Variants in ANK1 observed in about 807,000 individuals in gnomAD.
ANK1 encodes ankyrin 1, also known as ankyrin-1.
ANK1 carries 51 observed loss-of-function variants against 210.4 expected under a neutral mutation model. The ratio of observed to expected loss-of-function variants is 0.24; its 90% confidence interval spans 0.19 to 0.31. The LOEUF (loss-of-function observed/expected upper bound fraction) is 0.31. ANK1 is among the 10% of genes least tolerant of loss of function. The pLI is 1.00. For missense variants in ANK1, 2,051 were observed against 2,504.4 expected (o/e 0.82, Z 3.86); for synonymous variants, 967 against 1,025.9 (o/e 0.94, Z 1.10).
chr8:41,725,837 A>G lies in ANK1; in HGVS notation c.536T>C (p.Ile179Thr). ...KGKVRLPALHIAARNDDTRTA... is the reference protein window; with the variant it reads ...KGKVRLPALHTAARNDDTRTA... ...GCGCGTGTCGTCGTTGCGGGCCGCGATGTGCAGGGCCGGGAGGCGCACCTT... is the reference window on the plus strand; with the variant it reads ...GCGCGTGTCGTCGTTGCGGGCCGCGGTGTGCAGGGCCGGGAGGCGCACCTT... The change falls in exon 6 of 43, where the codon ATC becomes ACC. Residue 179 changes from isoleucine (I) to threonine (T), a missense_variant. By Grantham distance (89) the Ile-to-Thr change is moderately conservative. Around this residue, in one of 6 missense-constraint regions of ANK1, gnomAD observed 1,413 missense variants for 1,707.4 expected, o/e 0.83. Transcript: ENST00000289734. 6.2e-7 allele frequency: 1 copy of G among 1,612,084 alleles called. No homozygotes were observed. Among genetic ancestry groups the G allele is most frequent in the Non-Finnish European group, 8.5e-7 (1 of 1,179,656 alleles).
At chr8:41,658,805 A>T (rs981484668) in intron 42 of ANK1, among the ~76,000 whole-genome samples, 1 of 152,216 alleles carries the variant, frequency 6.6e-6, no homozygotes, top group African/African-American at 2.4e-5. Context: ...AGGCAGGAAG[A>T]TCACTTGAAC....
rs116991970 is a variant in ANK1, at chr8:41,795,678, A to G, written c.27+1834T>C. Among the ~76,000 whole-genome samples, 130 of 152,248 alleles carry G rather than the reference A, an allele frequency of 8.5e-4. No homozygotes were observed. In the East Asian group the frequency reaches 0.02, roughly 23 times the overall value. ...AGAAAGACAAATACTGAATGTTCTCAGTCATACATAGGAGCTAAAAAAGTT... is the reference window on the plus strand; with the variant it reads ...AGAAAGACAAATACTGAATGTTCTCGGTCATACATAGGAGCTAAAAAAGTT... On this transcript the variant is annotated intron_variant, in intron 1 of 42. Transcript: ENST00000289734.
chr8:41,663,062 G>A (rs986344049), intron 40 of ANK1, among the ~76,000 whole-genome samples: 21 of 152,048 alleles, frequency 1.4e-4, no homozygotes, highest in African/African-American at 5.1e-4. Context: ...CTACAGGCAT[G>A]CGCCACCATG....
At chr8:41,885,259 G>T (rs1818272365) in intron 1 of ANK1, among the ~76,000 whole-genome samples, 1 of 152,278 alleles carries the variant, frequency 6.6e-6, no homozygotes, top group African/African-American at 2.4e-5. Flanking sequence ...TCTGTGTCTT[G>T]TAAGTCCTGT....
chr8:41,673,405 C>T (rs908637484), intron 37 of ANK1, among the ~76,000 whole-genome samples: 2 of 152,154 alleles, frequency 1.3e-5, no homozygotes, highest in Admixed American at 6.5e-5. Flanking sequence ...CCACCCAGAA[C>T]CAGGGGTAGT....
chr8:41,714,641 A>C (rs768818682), intron 15 of ANK1, among the ~76,000 whole-genome samples: 3 of 152,146 alleles, frequency 2.0e-5, no homozygotes, highest in Non-Finnish European at 2.9e-5. Context: ...AGGGAAGATC[A>C]CCTGAGCCCA....
intron 1 of ANK1, among the ~76,000 whole-genome samples, chr8:41,889,418 C>T (rs577517711): frequency 6.6e-6 from 1 of 152,182 alleles, no homozygotes; most frequent in African/African-American, 2.4e-5. Context: ...TTGCAAATAT[C>T]ATTGTCAATG....
Position 41,725,975 on chromosome 8 carries a change from T to C in ANK1, c.427-29A>G, listed in dbSNP as rs908950504. On this transcript the variant is annotated intron_variant, in intron 5 of 42. Coordinates refer to ENST00000289734, the MANE Select transcript of ANK1 (RefSeq NM_000037.4). ...GCCAGAGGAGGAAAATGCTTTGCTC[T>C]GACTCGTCTGACGCCAGCCGCCCTT... 4 of 1,606,740 alleles carry C rather than the reference T, an allele frequency of 2.5e-6. No homozygotes were observed. In the African/African-American group the frequency reaches 4.0e-5, roughly 16 times the overall value.
intron 12 of ANK1, 29 bp downstream of exon 12, chr8:41,717,575 A>G (rs1473211680): frequency 6.5e-7 from 1 of 1,537,654 alleles, no homozygotes; most frequent in Non-Finnish European, 8.8e-7. Context: ...GGTCTAGGGG[A>G]GCAAGCCCCT....
At chr8:41,703,427 T>C (rs1478954624) in intron 20 of ANK1, among the ~76,000 whole-genome samples, 49 of 54,996 alleles carry the variant, frequency 8.9e-4, no homozygotes, top group Non-Finnish European at 1.0e-3. Flanking sequence ...TGTGTGTATA[T>C]ATATATATAT....
At chr8:41,798,926 T>C (rs1276282723), upstream of ANK1, among the ~76,000 whole-genome samples, 1 of 152,098 alleles carries the variant, frequency 6.6e-6, no homozygotes, top group Non-Finnish European at 1.5e-5. Context: ...GGCCTTGCCA[T>C]GAGGGCACAG....
chr8:41,671,397 C>T (rs191594729), intron 38 of ANK1, among the ~76,000 whole-genome samples: 571 of 152,270 alleles, frequency 3.7e-3, no homozygotes, highest in Middle Eastern at 0.031. Context: ...GGCCTTCAAC[C>T]GGAAGCACGC....
intron 1 of ANK1, among the ~76,000 whole-genome samples, chr8:41,790,443 G>A (rs894651684): frequency 8.6e-5 from 13 of 151,982 alleles, no homozygotes; most frequent in Admixed American, 5.9e-4. Context: ...CACCACACCC[G>A]GCCTGGGAAG....
At chr8:41,730,123 T>G (rs1300612395) in intron 3 of ANK1, among the ~76,000 whole-genome samples, 7 of 152,248 alleles carry the variant, frequency 4.6e-5, no homozygotes, top group Non-Finnish European at 7.3e-5. Flanking sequence ...CCTTGCCCAG[T>G]GGCTCCTGTC....
intron 37 of ANK1, among the ~76,000 whole-genome samples, chr8:41,684,282 T>A (rs1039521066): frequency 6.6e-6 from 1 of 152,212 alleles, no homozygotes; most frequent in African/African-American, 2.4e-5. Context: ...CAGTTGCTGA[T>A]GGCAAGGGCC....
chr8:41,678,139 T>TTTTTTC (rs1323471536), intron 37 of ANK1, among the ~76,000 whole-genome samples: 2 of 152,102 alleles, frequency 1.3e-5, no homozygotes, highest in Non-Finnish European at 2.9e-5. Context: ...ATATTTCTTT[T>TTTTTTC]TTTTTCTTTT....
chr8:41,696,791 G>A lies in ANK1; in HGVS notation c.2638-18C>T, dbSNP rs2150597663. 4 of 1,591,690 alleles carry A rather than the reference G, an allele frequency of 2.5e-6. No individual in the cohort carries two copies. The highest frequency in any genetic ancestry group is 4.5e-5 in the East Asian group (2 of 44,800). ...TTAGATGCCTGAGGAGAGAGAAAGG[G>A]TCCTCCTGTCCCACCTCCTCCCGGG... On this transcript the variant is annotated intron_variant, in intron 24 of 42. Coordinates refer to ENST00000289734, the MANE Select transcript of ANK1 (RefSeq NM_000037.4).
rs1324340408 is a variant in ANK1, at chr8:41,702,038, A to G, written c.2388+14T>C. The G allele has an allele frequency of 1.2e-6, 2 of 1,609,520 alleles. No individual in the cohort carries two copies. Among genetic ancestry groups the G allele is most frequent in the Non-Finnish European group, 1.7e-6 (2 of 1,176,008 alleles). ...AGTGTGTCTGGGGTGGGTGCGGGGG[A>G]GAGGCAGACATACCACGAAACTGGT... On this transcript the variant is annotated intron_variant, in intron 21 of 42. Coordinates refer to ENST00000289734, the MANE Select transcript of ANK1 (RefSeq NM_000037.4).
chr8:41,732,452 A>C (rs535553800), intron 3 of ANK1, among the ~76,000 whole-genome samples: 1 of 152,142 alleles, frequency 6.6e-6, no homozygotes, highest in Admixed American at 6.5e-5. Context: ...TGTCTCTGTC[A>C]CCCAGGCTGG....
Sources: gnomAD v4.1 joint callset for allele counts (sites outside exome capture counted in the v4.1 genomes callset) on GRCh38, gnomAD v4.1.1 for gene constraint, gnomAD v4.1.1 regional missense constraint, MANE v1.5 for transcripts, NCBI Gene and HGNC (gene_info 2026-07-23, HGNC 2026-07-21) for gene names.